FGF12: variants seen among roughly 807,000 people sequenced by gnomAD.
FGF12 encodes fibroblast growth factor 12.
FGF12 carries 14 observed loss-of-function variants against 23.6 expected under a neutral mutation model. The observed-to-expected ratio is 0.59, with a 90% CI of 0.39 to 0.93. FGF12 has a LOEUF of 0.93. FGF12 is among the 40% of genes least tolerant of loss of function. The pLI is 0.00. For missense variants in FGF12, 175 were observed against 217.8 expected, an observed-to-expected ratio of 0.80 and a Z score of 1.24; for synonymous variants, 62 against 77.3, an observed-to-expected ratio of 0.80 and a Z score of 1.04.
intron 2 of FGF12, among the ~76,000 whole-genome samples, chr3:192,651,917 A>C (rs1424793058): frequency 6.6e-6 from 1 of 152,236 alleles, no homozygotes; most frequent in Non-Finnish European, 1.5e-5. Context: ...ATTCAGCTTC[A>C]TTCTGTTATC....
At chr3:192,380,300 A>C (rs1719760974) in intron 2 of FGF12, among the ~76,000 whole-genome samples, 1 of 152,198 alleles carries the variant, frequency 6.6e-6, no homozygotes, top group Admixed American at 6.5e-5. Flanking sequence ...GTGTCTTCTT[A>C]AAATTCAGAG....
intron 2 of FGF12, among the ~76,000 whole-genome samples, chr3:192,548,099 A>C (rs1032692088): frequency 6.6e-6 from 1 of 152,178 alleles, no homozygotes; most frequent in African/African-American, 2.4e-5. Context: ...GTGAGTAAAT[A>C]CTTCTAAGTA....
chr3:192,596,869 G>A (rs1431287279), intron 2 of FGF12, among the ~76,000 whole-genome samples: 2 of 152,176 alleles, frequency 1.3e-5, no homozygotes, highest in Admixed American at 1.3e-4. Context: ...CAAGGAGGCT[G>A]CTAAACTTTC....
chr3:192,514,601 G>A lies in FGF12; in HGVS notation c.14-154063C>T. Reference sequence around the variant, plus strand: ...TGAAGCAGAGGAGGGCGGCGGAGAGGGCCCCGGAAGAAGGGAAGGGGGCAT... The same window carrying A: ...TGAAGCAGAGGAGGGCGGCGGAGAGAGCCCCGGAAGAAGGGAAGGGGGCAT... On this transcript the variant is annotated intron_variant, in intron 2 of 5. Coordinates refer to ENST00000445105, the MANE Select transcript of FGF12 (RefSeq NM_004113.6). The surrounding 1 kb of genome is among the most constrained non-coding windows in gnomAD (Gnocchi z 4.9). The A allele has an allele frequency of 6.7e-6, 5 of 743,580 alleles. No homozygotes were observed. The highest frequency in any genetic ancestry group is 8.2e-6 in the Non-Finnish European group (5 of 608,860). The allele number at this position is 743,580 out of a possible 1,614,324, so 46.1% of individuals were successfully genotyped here.
chr3:192,476,198 A>AT (rs1415460820), intron 2 of FGF12, among the ~76,000 whole-genome samples: 1 of 152,148 alleles, frequency 6.6e-6, no homozygotes, highest in Non-Finnish European at 1.5e-5. Flanking sequence ...GACAACATAA[A>AT]AATAATCATA....
At chr3:192,431,817 A>G (rs1721867804) in intron 2 of FGF12, among the ~76,000 whole-genome samples, 2 of 152,222 alleles carry the variant, frequency 1.3e-5, no homozygotes, top group Admixed American at 1.3e-4. Context: ...TGCTTATCAG[A>G]TAACAGCTGG....
chr3:192,702,045 A>G (rs1484696804), intron 2 of FGF12, among the ~76,000 whole-genome samples: 1 of 152,196 alleles, frequency 6.6e-6, no homozygotes, highest in Non-Finnish European at 1.5e-5. Flanking sequence ...TAACCTGGTA[A>G]CCACCATTCT....
chr3:192,386,934 C>T (rs1314865444), intron 2 of FGF12, among the ~76,000 whole-genome samples: 1 of 152,186 alleles, frequency 6.6e-6, no homozygotes, highest in African/African-American at 2.4e-5. Flanking sequence ...TTAAAAGTGT[C>T]AAACCTTCGA....
intron 2 of FGF12, among the ~76,000 whole-genome samples, chr3:192,525,748 A>C (rs183071181): frequency 6.6e-6 from 1 of 152,170 alleles, no homozygotes; most frequent in African/African-American, 2.4e-5. Flanking sequence ...ACTTAACTCC[A>C]TCCATGTCCT....
intron 2 of FGF12, among the ~76,000 whole-genome samples, chr3:192,704,653 A>G (rs1299717090): frequency 3.3e-5 from 5 of 152,178 alleles, no homozygotes; most frequent in African/African-American, 1.2e-4. Flanking sequence ...CCCCTAACAA[A>G]AAAGTGAGCC....
At position 192,311,479 on chromosome 3, in the gene FGF12, T is replaced by A. The variant is rs377203711; in HGVS notation, c.228+23882A>T. On this transcript the variant is annotated intron_variant, in intron 4 of 5. Transcript: ENST00000445105. The stretch of plus-strand genomic sequence containing the variant: ...ATCGTAGCATGCATCAGTACTTTAC[T>A]GCTTTTTGTTGCCAAATAATATTCC... Among the ~76,000 whole-genome samples, 31 of 152,366 alleles carry A rather than the reference T, an allele frequency of 2.0e-4. 1 individual carries two copies. The highest frequency in any genetic ancestry group is 1.3e-3 in the Admixed American group (20 of 15,300).
intron 2 of FGF12, among the ~76,000 whole-genome samples, chr3:192,706,485 T>C (rs1448907439): frequency 1.3e-5 from 2 of 152,072 alleles, no homozygotes; most frequent in East Asian, 3.9e-4. Context: ...CCCCGCCCAG[T>C]GCCACTTCCT....
At chr3:192,720,052 T>C (rs1359865049) in intron 2 of FGF12, among the ~76,000 whole-genome samples, 2 of 152,244 alleles carry the variant, frequency 1.3e-5, no homozygotes, top group African/African-American at 4.8e-5. Context: ...AAGGACTCTT[T>C]GGTGCATTTA....
At chr3:192,239,424 T>C (rs1411293712) in intron 4 of FGF12, among the ~76,000 whole-genome samples, 2 of 152,184 alleles carry the variant, frequency 1.3e-5, no homozygotes, top group East Asian at 1.9e-4. Flanking sequence ...TAATACCAAA[T>C]TGGGACAAAG....
At chr3:192,620,004 A>C (rs1714911069) in intron 2 of FGF12, among the ~76,000 whole-genome samples, 1 of 152,132 alleles carries the variant, frequency 6.6e-6, no homozygotes, top group Non-Finnish European at 1.5e-5. Context: ...TGATTGTTTC[A>C]GACCGGGATA....
rs78526298 is a variant in FGF12 at position 192,451,589 on chromosome 3, G to C, written c.14-91051C>G. Reference sequence around the variant, plus strand: ...TAATGGACTAAAGATAAGTCATGTTGAGGGTTTAGGAGATCACTAAAGTTA... The same window carrying C: ...TAATGGACTAAAGATAAGTCATGTTCAGGGTTTAGGAGATCACTAAAGTTA... On this transcript the variant is annotated intron_variant, in intron 2 of 5. Transcript: ENST00000445105. Among the ~76,000 whole-genome samples, 1,349 of 152,284 alleles carry C rather than the reference G, an allele frequency of 8.9e-3. 18 individuals are homozygous for C. Among genetic ancestry groups the C allele is most frequent in the African/African-American group, 0.03 (1,238 of 41,564 alleles).
At position 192,727,196 on chromosome 3, in the gene FGF12, CG is replaced by C. The variant is rs2108751158; in HGVS notation, c.-4del. On this transcript the variant is annotated 5_prime_UTR_variant, in exon 2 of 6. Transcript: ENST00000445105. ...AACCACATACCTTTGCTCTCCATTTCGGTCCCTTTCGAGTGCTGGGAAGTTC... is the reference window on the plus strand; with the variant it reads ...AACCACATACCTTTGCTCTCCATTTCGTCCCTTTCGAGTGCTGGGAAGTTC... 6.3e-7 allele frequency: 1 copy of C among 1,579,090 alleles called. No individual in the cohort carries two copies.
intron 2 of FGF12, among the ~76,000 whole-genome samples, chr3:192,675,245 G>T (rs1505452): frequency 0.7 from 106,382 of 151,640 alleles, 38,261 homozygotes; most frequent in African/African-American, 0.86. Context: ...GCCAATGACA[G>T]CAATTACGTG....
chr3:192,327,347 CTAAAA>C (rs2108687931), intron 4 of FGF12, among the ~76,000 whole-genome samples: 1 of 152,126 alleles, frequency 6.6e-6, no homozygotes, highest in East Asian at 1.9e-4. Flanking sequence ...TATAGACTGA[CTAAAA>C]TAAGCGTCTT....
Sources: allele counts gnomAD v4.1 joint callset (sites outside exome capture counted in the v4.1 genomes callset), GRCh38; gene constraint gnomAD v4.1.1; non-coding constraint Gnocchi (gnomAD v3.1); transcripts MANE v1.5; gene names NCBI Gene and HGNC (gene_info 2026-07-23, HGNC 2026-07-21).